Variants in SASH1 observed in about 807,000 individuals in gnomAD.
The protein encoded by SASH1 is SAM and SH3 domain-containing protein 1.
A neutral mutation model predicts 125.2 loss-of-function variants in SASH1; 44 were observed. That is an observed-to-expected ratio of 0.35 (90% CI 0.28 to 0.45). The LOEUF (loss-of-function observed/expected upper bound fraction) is 0.45. Ranked by LOEUF, SASH1 falls within the 20% of genes least tolerant of loss-of-function variation. SASH1 has a pLI of 1.00. For missense variants in SASH1, 1,426 were observed against 1,614.5 expected (o/e 0.88, Z 2.00); for synonymous variants, 639 against 649.1 (o/e 0.98, Z 0.24).
chr6:148,416,000 T>C (rs918570436), intron 2 of SASH1, among the ~76,000 whole-genome samples: 4 of 152,196 alleles, frequency 2.6e-5, no homozygotes, highest in African/African-American at 9.7e-5. Context: ...GATCCCACAC[T>C]TCAAGCCTAC....
chr6:148,225,187 A>T, the SASH1 span, among the ~76,000 whole-genome samples: 1 of 152,214 alleles, frequency 6.6e-6, no homozygotes, highest in African/African-American at 2.4e-5. Flanking sequence ...TTCACCCTGC[A>T]CACTTCAGAT....
intron 1 of SASH1, chr6:148,280,231 C>T (rs568898200): frequency 5.7e-4 from 86 of 152,050 alleles, no homozygotes; most frequent in African/African-American, 2.1e-3. Context: ...GTCCTGCCAT[C>T]ACCTAGCACT....
chr6:148,468,753 AT>A, intron 5 of SASH1, 168 bp downstream of exon 5: 1 of 539,616 alleles, frequency 1.9e-6, no homozygotes, highest in Non-Finnish European at 3.2e-6. Flanking sequence ...TTTTAAAAAA[AT>A]ATAATTGTGA....
intron 3 of SASH1, 43 bp from the exon 4 acceptor site, chr6:148,440,315 C>T (rs1464741412): frequency 1.7e-5 from 27 of 1,609,932 alleles, no homozygotes; most frequent in Admixed American, 3.3e-5. Context: ...CAGATGAAGC[C>T]TGCTGCTCTG....
At chr6:148,492,844 ATAAATAAATAAAT>A (rs1346915959) in intron 8 of SASH1, among the ~76,000 whole-genome samples, 1 of 130,780 alleles carries the variant, frequency 7.6e-6, no homozygotes, top group Non-Finnish European at 1.6e-5. Flanking sequence ...AAATAAATAA[ATAAATAAATAAAT>A]AAATAAATAA....
chr6:148,396,452 GGGTGC>G (rs1783953914), intron 2 of SASH1, among the ~76,000 whole-genome samples: 1 of 131,398 alleles, frequency 7.6e-6, no homozygotes, highest in South Asian at 2.4e-4. Flanking sequence ...ACTCCAGCCT[GGGTGC>G]CAGAGTGAGA....
chr6:148,402,865 TC>T (rs1784230301), intron 2 of SASH1, among the ~76,000 whole-genome samples: 1 of 152,078 alleles, frequency 6.6e-6, no homozygotes, highest in Non-Finnish European at 1.5e-5. Flanking sequence ...TGTCTCGGCC[TC>T]CCAAAGTGCT....
At chr6:148,474,360 A>G (rs1357732141) in intron 7 of SASH1, 138 bp downstream of exon 7, 1 of 558,222 alleles carries the variant, frequency 1.8e-6, no homozygotes, top group South Asian at 2.4e-5. Flanking sequence ...ACTTGATACA[A>G]ACATTCTACT....
intron 7 of SASH1, chr6:148,479,831 G>A (rs1778534631): frequency 6.6e-6 from 1 of 152,468 alleles, no homozygotes; most frequent in Non-Finnish European, 1.5e-5. Context: ...AAAAATCCAA[G>A]GCATTCTCCA....
At chr6:148,309,084 C>CAAAAAA (rs10652144) in intron 1 of SASH1, among the ~76,000 whole-genome samples, 2,398 of 99,850 alleles carry the variant, frequency 0.024, 32 homozygotes, top group African/African-American at 0.045. Context: ...ACTCTGTCTC[C>CAAAAAA]AAAAAAAAAA....
At chr6:148,207,125 G>C in the SASH1 span, among the ~76,000 whole-genome samples, 1 of 152,018 alleles carries the variant, frequency 6.6e-6, no homozygotes, top group Non-Finnish European at 1.5e-5. Flanking sequence ...GGTTTTCCTG[G>C]GAACAGCACT....
chr6:148,442,354 T>C (rs76595480), intron 4 of SASH1, among the ~76,000 whole-genome samples: 3 of 151,476 alleles, frequency 2.0e-5, no homozygotes, highest in African/African-American at 7.3e-5. Context: ...CTGCAGTGAG[T>C]TGTGATCATG....
the SASH1 span, among the ~76,000 whole-genome samples, chr6:148,195,506 T>G: frequency 0.043 from 6,502 of 152,334 alleles, 190 homozygotes; most frequent in Non-Finnish European, 0.059. Flanking sequence ...ACCATGCAAA[T>G]TCAAGGTAGC....
intron 1 of SASH1, among the ~76,000 whole-genome samples, chr6:148,302,554 C>T (rs182799415): frequency 2.7e-4 from 41 of 150,614 alleles, no homozygotes; most frequent in African/African-American, 7.1e-4. Flanking sequence ...TATTCTCAAA[C>T]GTATATAAAA....
chr6:148,219,026 C>T, the SASH1 span, among the ~76,000 whole-genome samples: 2 of 152,134 alleles, frequency 1.3e-5, no homozygotes, highest in Non-Finnish European at 2.9e-5. Flanking sequence ...CTTGGAAAGA[C>T]CTTAGGGAGG....
At chr6:148,527,627 G>A (rs1271870446) in intron 12 of SASH1, 31 bp downstream of exon 12, 1 of 1,578,116 alleles carries the variant, frequency 6.3e-7, no homozygotes, top group Non-Finnish European at 8.6e-7. Context: ...ATGTTCCCTT[G>A]GTTCTTCCTG....
At chr6:148,387,074 C>T (rs1238933564) in intron 1 of SASH1, among the ~76,000 whole-genome samples, 2 of 129,278 alleles carry the variant, frequency 1.5e-5, no homozygotes, top group African/African-American at 3.4e-5. Flanking sequence ...TTGCTTTCTC[C>T]CTCTGTCTCT....
the SASH1 span, among the ~76,000 whole-genome samples, chr6:148,209,772 G>A: frequency 7.9e-5 from 12 of 152,228 alleles, no homozygotes; most frequent in African/African-American, 2.2e-4. Context: ...TGGCTGTTCC[G>A]GTTGCATCTA....
intron 2 of SASH1, among the ~76,000 whole-genome samples, chr6:148,412,225 C>T (rs1784658127): frequency 6.6e-6 from 1 of 152,116 alleles, no homozygotes; most frequent in African/African-American, 2.4e-5. Flanking sequence ...CTTAAGAAAT[C>T]ACTTTTATTT....
Sources: allele counts gnomAD v4.1 joint callset (sites outside exome capture counted in the v4.1 genomes callset), GRCh38; gene constraint gnomAD v4.1.1; transcripts MANE v1.5; gene names NCBI Gene and HGNC (gene_info 2026-07-23, HGNC 2026-07-21).